The following KCNH7 variants were observed in gnomAD, a reference collection of about 807,000 sequenced individuals.
The protein encoded by KCNH7 is voltage-gated inwardly rectifying potassium channel KCNH7.
In KCNH7, 49 loss-of-function variants were observed where a neutral mutation model predicts 120.8. That is an observed-to-expected ratio of 0.41 (90% CI 0.32 to 0.51). The LOEUF (loss-of-function observed/expected upper bound fraction) is 0.51. Ranked by LOEUF, KCNH7 falls within the 20% of genes least tolerant of loss-of-function variation. KCNH7 has a pLI of 0.38. For missense variants in KCNH7, 1,097 were observed against 1,446.6 expected, an observed-to-expected ratio of 0.76 and a Z score of 3.92; for synonymous variants, 547 against 516.1, an observed-to-expected ratio of 1.06 and a Z score of -0.81.
intron 12 of KCNH7, among the ~76,000 whole-genome samples, chr2:162,390,347 A>G (rs956136483): frequency 1.3e-5 from 2 of 151,356 alleles, no homozygotes; most frequent in African/African-American, 2.4e-5. Flanking sequence ...TATACATGCT[A>G]TTTTACAAAT....
chr2:162,394,275 C>A, intron 12 of KCNH7, 114 bp downstream of exon 12: 1 of 690,736 alleles, frequency 1.4e-6, no homozygotes, highest in Non-Finnish European at 2.6e-6. Flanking sequence ...AGGATCTGCC[C>A]TCCTAAAGCC....
intron 2 of KCNH7, among the ~76,000 whole-genome samples, chr2:162,625,063 A>T (rs951614581): frequency 6.6e-6 from 1 of 151,724 alleles, no homozygotes; most frequent in Non-Finnish European, 1.5e-5. Flanking sequence ...ACACCTGGCT[A>T]ATTTGGTATT....
intron 2 of KCNH7, among the ~76,000 whole-genome samples, chr2:162,570,397 A>G (rs1055226193): frequency 8.6e-5 from 13 of 151,704 alleles, no homozygotes; most frequent in East Asian, 2.0e-4. Flanking sequence ...ATCTTCCTCC[A>G]TCCTTTTATT....
At chr2:162,823,395 G>C (rs989189364) in intron 2 of KCNH7, among the ~76,000 whole-genome samples, 1 of 152,038 alleles carries the variant, frequency 6.6e-6, no homozygotes, top group Non-Finnish European at 1.5e-5. Context: ...CCCAATCCTT[G>C]AAATAATTAG....
intron 1 of KCNH7, among the ~76,000 whole-genome samples, chr2:162,837,455 G>A (rs561249624): frequency 6.6e-5 from 10 of 152,142 alleles, no homozygotes; most frequent in African/African-American, 2.4e-4. Flanking sequence ...TGTAGTAGCA[G>A]GAATTCTTAA....
chr2:162,836,468 A>T lies in KCNH7; in HGVS notation c.307+69T>A, dbSNP rs941327490. 2.9e-5 allele frequency: 36 copies of T among 1,253,126 alleles called. No homozygotes were observed. The African/African-American group carries it at 4.9e-4, about 17-fold the overall frequency. 77.6% of individuals were successfully genotyped at this position (1,253,126 alleles called of 1,614,324 possible). On this transcript the variant is annotated intron_variant, in intron 2 of 15. Transcript: ENST00000332142. Reference sequence around the variant, plus strand: ...AACATTTTGGGCTTCTTTGCATATGAACTTTTAATAGTCAAAATTTCTTTT... The same window carrying T: ...AACATTTTGGGCTTCTTTGCATATGTACTTTTAATAGTCAAAATTTCTTTT...
rs191352908 is a variant in KCNH7 at position 162,395,179 on chromosome 2, T to G, written c.2614-694A>C. Among the ~76,000 whole-genome samples the G allele has an allele frequency of 6.7e-3, 1,021 of 151,940 alleles. 8 individuals carry two copies. The highest frequency in any genetic ancestry group is 0.024 in the African/African-American group (981 of 41,538). On this transcript the variant is annotated intron_variant, in intron 11 of 15. Transcript: ENST00000332142. Reference sequence around the variant, plus strand: ...AGTAGGCTATCAGTAATTTAGTTTTTGTGGAGTCAAAAGTTATTTGCAGAT... The same window carrying G: ...AGTAGGCTATCAGTAATTTAGTTTTGGTGGAGTCAAAAGTTATTTGCAGAT...
At chr2:162,820,658 C>A (rs908057109) in intron 2 of KCNH7, among the ~76,000 whole-genome samples, 1 of 152,110 alleles carries the variant, frequency 6.6e-6, no homozygotes, top group Admixed American at 6.6e-5. Context: ...TGTAACTCTG[C>A]AAAAGCTAAA....
intron 2 of KCNH7, among the ~76,000 whole-genome samples, chr2:162,792,639 GT>G (rs1018218939): frequency 1.7e-4 from 25 of 149,196 alleles, no homozygotes; most frequent in African/African-American, 5.9e-4. Context: ...CCCCTTTGTT[GT>G]TTCTGATCCC....
At chr2:162,426,312 C>T (rs1687863294) in intron 8 of KCNH7, among the ~76,000 whole-genome samples, 1 of 150,926 alleles carries the variant, frequency 6.6e-6, no homozygotes, top group Non-Finnish European at 1.5e-5. Context: ...AATCTTTTTC[C>T]TATTTTTTAG....
At chr2:162,777,808 T>C (rs186723452) in intron 2 of KCNH7, among the ~76,000 whole-genome samples, 34 of 152,262 alleles carry the variant, frequency 2.2e-4, no homozygotes, top group Admixed American at 2.0e-3. Flanking sequence ...AAGAGAATAC[T>C]ATGTATTTTA....
chr2:162,832,823 A>C (rs1455667071), intron 2 of KCNH7, among the ~76,000 whole-genome samples: 1 of 152,150 alleles, frequency 6.6e-6, no homozygotes, highest in Non-Finnish European at 1.5e-5. Flanking sequence ...ATTCAATGCT[A>C]TCAAACCAAG....
At chr2:162,584,929 G>A (rs150582630) in intron 2 of KCNH7, among the ~76,000 whole-genome samples, 23 of 136,646 alleles carry the variant, frequency 1.7e-4, no homozygotes, top group African/African-American at 5.8e-4. Flanking sequence ...AGTCTGTAAA[G>A]CAAGAGCTCT....
chr2:162,699,062 C>T (rs1170539936), intron 2 of KCNH7, among the ~76,000 whole-genome samples: 2 of 151,998 alleles, frequency 1.3e-5, no homozygotes, highest in African/African-American at 2.4e-5. Context: ...ACCTCACATG[C>T]TTATCATTTT....
chr2:162,462,421 A>G (rs771991840), intron 6 of KCNH7, among the ~76,000 whole-genome samples: 45 of 151,984 alleles, frequency 3.0e-4, no homozygotes, highest in Non-Finnish European at 6.0e-4. Flanking sequence ...ATCACCTACA[A>G]GAAGTTAAAA....
intron 12 of KCNH7, among the ~76,000 whole-genome samples, chr2:162,385,740 G>A (rs1686553285): frequency 6.6e-6 from 1 of 151,876 alleles, no homozygotes; most frequent in South Asian, 2.1e-4. Context: ...CAAAACGCCA[G>A]AAGGTATATC....
chr2:162,624,327 A>G (rs1449097205), intron 2 of KCNH7, among the ~76,000 whole-genome samples: 8 of 152,190 alleles, frequency 5.3e-5, no homozygotes, highest in Admixed American at 5.2e-4. Flanking sequence ...GATGGTGTTC[A>G]GGCCTATCCA....
intron 6 of KCNH7, among the ~76,000 whole-genome samples, chr2:162,470,956 G>C (rs1050873983): frequency 2.6e-5 from 4 of 152,106 alleles, no homozygotes; most frequent in African/African-American, 9.7e-5. Flanking sequence ...CCCCAACCCT[G>C]TGCCCTCTGA....
chr2:162,608,522 ATTTTTC>A (rs1390913453), intron 2 of KCNH7, among the ~76,000 whole-genome samples: 2 of 152,022 alleles, frequency 1.3e-5, no homozygotes, highest in Non-Finnish European at 2.9e-5. Context: ...AGTTATCAAA[ATTTTTC>A]TTTTTATTTA....
Sources: allele counts gnomAD v4.1 joint callset (sites outside exome capture counted in the v4.1 genomes callset), GRCh38; gene constraint gnomAD v4.1.1; transcripts MANE v1.5; gene names NCBI Gene and HGNC (gene_info 2026-07-23, HGNC 2026-07-21).